Variants in CDH13 observed in about 807,000 individuals in gnomAD.
CDH13 encodes cadherin 13.
Under a neutral mutation model 63.8 loss-of-function variants are expected in CDH13, and 24 were observed. That is an observed-to-expected ratio of 0.38 (90% CI 0.27 to 0.53). The LOEUF is 0.53. Ranked by LOEUF, CDH13 falls within the 20% of genes least tolerant of loss-of-function variation. The pLI, the probability that CDH13 is intolerant of heterozygous loss-of-function variation, is 0.85. For synonymous variants in CDH13, 503 were observed against 355.3 expected (o/e 1.42, Z -4.67); for missense variants, 1,049 against 903.1 (o/e 1.16, Z -2.07).
chr16:83,003,343 G>C (rs1027364956), intron 2 of CDH13, among the ~76,000 whole-genome samples: 5 of 151,980 alleles, frequency 3.3e-5, no homozygotes, highest in Non-Finnish European at 1.5e-5. Context: ...TGTGACTCCA[G>C]GTAGCATTGC....
At chr16:83,342,843 G>GT (rs778316746) in intron 5 of CDH13, among the ~76,000 whole-genome samples, 20,837 of 65,192 alleles carry the variant, frequency 0.32, 2,848 homozygotes, top group South Asian at 0.37. Context: ...TTTTGTTTCT[G>GT]TTTTTTTTTT....
rs181075778 is a variant in CDH13 at position 83,088,159 on chromosome 16, C to T, written c.367-37226C>T. 1.6e-4 allele frequency among the ~76,000 whole-genome samples: 24 copies of T among 152,268 alleles called. 1 individual carries two copies. The highest frequency in any genetic ancestry group is 7.7e-4 in the East Asian group (4 of 5,186). On this transcript the variant is annotated intron_variant, in intron 3 of 13. Transcript: ENST00000567109. ...AGATGTGCACTCACCTTTTGGCTCA[C>T]GACAACAAAAGCCTTCGAAATTCCT...
At chr16:82,716,447 T>A (rs774306282) in intron 1 of CDH13, among the ~76,000 whole-genome samples, 1 of 151,482 alleles carries the variant, frequency 6.6e-6, no homozygotes, top group African/African-American at 2.4e-5. Flanking sequence ...TAAATTTAGA[T>A]AAGTCACAAA....
intron 5 of CDH13, among the ~76,000 whole-genome samples, chr16:83,313,876 A>G (rs1278978762): frequency 6.6e-6 from 1 of 152,194 alleles, no homozygotes; most frequent in Non-Finnish European, 1.5e-5. Flanking sequence ...GGTTTTATGC[A>G]TGACTTACTA....
chr16:83,499,809 T>TG (rs2074229089), intron 7 of CDH13, among the ~76,000 whole-genome samples: 1 of 6,112 alleles, frequency 1.6e-4, no homozygotes, highest in African/African-American at 1.9e-4. Flanking sequence ...ATTCTGTTAA[T>TG]CTTTTTTTTT....
Position 82,641,955 on chromosome 16 carries a change from C to T in CDH13, c.45+14818C>T, listed in dbSNP as rs533975971. On this transcript the variant is annotated intron_variant, in intron 1 of 13. Coordinates refer to ENST00000567109, the MANE Select transcript of CDH13 (RefSeq NM_001257.5). Reference sequence around the variant, plus strand: ...AGATAGCGACAGGCAGAGGTCATGGCGCTTGCCTTCGCTGTTGGCTGTAGG... The same window carrying T: ...AGATAGCGACAGGCAGAGGTCATGGTGCTTGCCTTCGCTGTTGGCTGTAGG... 1.1e-3 allele frequency among the ~76,000 whole-genome samples: 170 copies of T among 152,236 alleles called. 1 individual carries two copies. The highest frequency in any genetic ancestry group is 1.2e-3 in the Non-Finnish European group (83 of 68,008).
chr16:83,267,248 C>T (rs1350921121), intron 5 of CDH13, among the ~76,000 whole-genome samples: 2 of 152,142 alleles, frequency 1.3e-5, no homozygotes, highest in Non-Finnish European at 2.9e-5. Flanking sequence ...TGCAGGGAAG[C>T]TCCAGGGATG....
intron 5 of CDH13, among the ~76,000 whole-genome samples, chr16:83,318,555 G>A (rs536569438): frequency 6.6e-6 from 1 of 152,286 alleles, no homozygotes; most frequent in South Asian, 2.1e-4. Context: ...CTTTCATTCT[G>A]TTACTCAAAA....
At chr16:82,861,760 AC>A (rs2039955739) in intron 2 of CDH13, among the ~76,000 whole-genome samples, 1 of 152,060 alleles carries the variant, frequency 6.6e-6, no homozygotes, top group South Asian at 2.1e-4. Context: ...CTTTCCACTA[AC>A]TGGACTTGCT....
At chr16:83,422,775 A>G (rs1278273084) in intron 6 of CDH13, among the ~76,000 whole-genome samples, 2 of 152,186 alleles carry the variant, frequency 1.3e-5, no homozygotes, top group Non-Finnish European at 2.9e-5. Context: ...TAAAAGGAAG[A>G]TAATAACAGT....
intron 10 of CDH13, among the ~76,000 whole-genome samples, chr16:83,711,866 T>C (rs536375603): frequency 6.6e-6 from 1 of 152,330 alleles, no homozygotes; most frequent in African/African-American, 2.4e-5. Flanking sequence ...TTCTCCAGGG[T>C]TGCCATAACA....
intron 2 of CDH13, among the ~76,000 whole-genome samples, chr16:83,005,372 G>A (rs929337712): frequency 6.6e-6 from 1 of 152,088 alleles, no homozygotes; most frequent in Non-Finnish European, 1.5e-5. Context: ...TCTCTTTCCA[G>A]TTCCTTACCT....
At chr16:83,032,722 G>T (rs902423930) in intron 3 of CDH13, among the ~76,000 whole-genome samples, 7 of 152,124 alleles carry the variant, frequency 4.6e-5, no homozygotes, top group African/African-American at 1.7e-4. Context: ...TGTCCATTGG[G>T]TTGTGATGTT....
intron 6 of CDH13, among the ~76,000 whole-genome samples, chr16:83,357,949 T>G (rs1226484157): frequency 6.6e-6 from 1 of 152,166 alleles, no homozygotes; most frequent in East Asian, 1.9e-4. Flanking sequence ...GCTGAGGGCT[T>G]CCTGTGTGTT....
Position 83,569,798 on chromosome 16 carries a change from A to G in CDH13, c.961-32656A>G, listed in dbSNP as rs138835695. On this transcript the variant is annotated intron_variant, in intron 7 of 13. Coordinates refer to ENST00000567109, the MANE Select transcript of CDH13 (RefSeq NM_001257.5). The stretch of plus-strand genomic sequence containing the variant: ...GTCTCCCAGGCTGGAGTGCAGTGGT[A>G]CAATCTCCGCTCACTGCAACCTCTG... Among the ~76,000 whole-genome samples, 183 of 152,244 alleles carry G rather than the reference A, an allele frequency of 1.2e-3. 1 individual carries two copies. The highest frequency in any genetic ancestry group is 4.2e-3 in the African/African-American group (173 of 41,546).
intron 6 of CDH13, among the ~76,000 whole-genome samples, chr16:83,378,670 C>G (rs1308722961): frequency 6.6e-6 from 1 of 152,086 alleles, no homozygotes; most frequent in Non-Finnish European, 1.5e-5. Context: ...TGACCTTAGG[C>G]AAGATACTTG....
At chr16:82,727,259 A>C (rs1285285492) in intron 1 of CDH13, among the ~76,000 whole-genome samples, 4 of 152,066 alleles carry the variant, frequency 2.6e-5, no homozygotes, top group Non-Finnish European at 5.9e-5. Context: ...TCCCTGTTGT[A>C]TTTGTAAATC....
At chr16:83,292,161 G>A (rs747045933) in intron 5 of CDH13, among the ~76,000 whole-genome samples, 1 of 152,156 alleles carries the variant, frequency 6.6e-6, no homozygotes, top group Non-Finnish European at 1.5e-5. Flanking sequence ...TTAACAACTT[G>A]GTATCTGTCA....
At chr16:82,695,556 G>A (rs559264829) in intron 1 of CDH13, among the ~76,000 whole-genome samples, 3 of 152,162 alleles carry the variant, frequency 2.0e-5, no homozygotes, top group African/African-American at 7.2e-5. Context: ...TAGCTTTGGA[G>A]TTGGAGTTAA....
Sources: gnomAD v4.1 joint callset for allele counts (sites outside exome capture counted in the v4.1 genomes callset) on GRCh38, gnomAD v4.1.1 for gene constraint, MANE v1.5 for transcripts, NCBI Gene and HGNC (gene_info 2026-07-23, HGNC 2026-07-21) for gene names.